Variants in GRIK1 observed in about 807,000 individuals in gnomAD.
GRIK1 encodes glutamate ionotropic receptor kainate type subunit 1, also known as glutamate receptor ionotropic, kainate 1.
A neutral mutation model predicts 105.7 loss-of-function variants in GRIK1; 69 were observed. That is an observed-to-expected ratio of 0.65 (90% CI 0.54 to 0.80). The LOEUF is 0.80. Ranked by LOEUF, GRIK1 falls within the 30% of genes least tolerant of loss-of-function variation. GRIK1 has a pLI of 0.00. For missense variants in GRIK1, 1,109 were observed against 1,167.3 expected, an observed-to-expected ratio of 0.95 and a Z score of 0.73; for synonymous variants, 438 against 431.3, an observed-to-expected ratio of 1.02 and a Z score of -0.19.
intron 1 of GRIK1, among the ~76,000 whole-genome samples, chr21:29,770,370 T>G (rs1381326740): frequency 6.6e-6 from 1 of 152,188 alleles, no homozygotes; most frequent in Non-Finnish European, 1.5e-5. Flanking sequence ...TATGTGACAT[T>G]TCTAACATCA....
chr21:29,550,107 C>CAAAAAAAAAAAAAAAAAAAA (rs34939329), intron 16 of GRIK1, among the ~76,000 whole-genome samples: 1 of 53,490 alleles, frequency 1.9e-5, no homozygotes. Context: ...GACTCCATCT[C>CAAAAAAAAAAAAAAAAAAAA]AAAAAAAAAA....
chr21:29,685,983 A>G (rs796921672), intron 3 of GRIK1, among the ~76,000 whole-genome samples: 5 of 152,356 alleles, frequency 3.3e-5, no homozygotes, highest in African/African-American at 1.2e-4. Flanking sequence ...CTCAGGAGGA[A>G]GGAACACTGC....
intron 1 of GRIK1, among the ~76,000 whole-genome samples, chr21:29,808,536 C>T (rs943913336): frequency 1.3e-5 from 2 of 152,066 alleles, no homozygotes; most frequent in Admixed American, 1.3e-4. Context: ...AAAGAAAGGA[C>T]CTGTTAACAG....
chr21:29,695,429 T>A (rs936398513), intron 1 of GRIK1, among the ~76,000 whole-genome samples: 2 of 150,172 alleles, frequency 1.3e-5, no homozygotes, highest in Non-Finnish European at 3.0e-5. Context: ...TATCTATATC[T>A]ATATCAATAT....
At chr21:29,861,575 GGGATTATA>G (rs2068639406) in intron 1 of GRIK1, 7 of 340,218 alleles carry the variant, frequency 2.1e-5, no homozygotes, top group South Asian at 1.7e-4. Flanking sequence ...CCCAAAGTGT[GGGATTATA>G]GGTGTGAGCC....
At chr21:29,740,487 A>G (rs1226443388) in intron 1 of GRIK1, among the ~76,000 whole-genome samples, 1 of 152,140 alleles carries the variant, frequency 6.6e-6, no homozygotes, top group Non-Finnish European at 1.5e-5. Flanking sequence ...AAGTGCTGGG[A>G]TTTCAGGCGT....
At chr21:29,805,440 TA>T (rs1386748895) in intron 1 of GRIK1, among the ~76,000 whole-genome samples, 1 of 152,158 alleles carries the variant, frequency 6.6e-6, no homozygotes, top group Non-Finnish European at 1.5e-5. Flanking sequence ...CCAGTGTTAT[TA>T]GCCAATAAAT....
Position 29,537,210 on chromosome 21 carries a change from C to T in GRIK1, c.*20G>A, listed in dbSNP as rs750502104. ...CTGTAGGGAATGCATCCTTTTTCTT[C>T]CTACAGGCGTTTCCTTGGATCACGC... On this transcript the variant is annotated 3_prime_UTR_variant, in exon 18 of 18. Transcript: ENST00000327783. 2.6e-6 allele frequency: 4 copies of T among 1,551,022 alleles called. No homozygotes were observed. The highest frequency in any genetic ancestry group is 3.5e-6 in the Non-Finnish European group (4 of 1,153,640).
Position 29,577,048 on chromosome 21 carries a change from G to A in GRIK1, c.2046C>T (p.Pro682=), listed in dbSNP as rs1831200472. ...TTGCCAGATCATCTGCCGAATCTAT[G>A]GGGGATTCCATTCTCTCTACTGTCA... ...AFLTVERMES[P]IDSADDLAKQ... is the part of the protein sequence containing the mutation. Residue 682 remains proline, a synonymous_variant, in exon 14 of 18, where the codon CCC becomes CCT. Coordinates refer to ENST00000327783, the MANE Select transcript of GRIK1 (RefSeq NM_001330994.2). 1.9e-6 allele frequency: 3 copies of A among 1,613,136 alleles called. No homozygotes were observed. The highest frequency in any genetic ancestry group is 1.7e-5 in the Admixed American group (1 of 59,988).
intron 1 of GRIK1, among the ~76,000 whole-genome samples, chr21:29,891,547 A>G (rs1254284710): frequency 6.6e-6 from 1 of 152,200 alleles, no homozygotes; most frequent in African/African-American, 2.4e-5. Flanking sequence ...AACATCATCA[A>G]TAGCTGAAGC....
At chr21:29,938,003 C>T (rs1219032880) in intron 1 of GRIK1, among the ~76,000 whole-genome samples, 1 of 152,098 alleles carries the variant, frequency 6.6e-6, no homozygotes, top group Non-Finnish European at 1.5e-5. Flanking sequence ...CTAGAAAAAA[C>T]ATGTGTGTAG....
chr21:29,822,949 G>A (rs2067345674), intron 1 of GRIK1, among the ~76,000 whole-genome samples: 1 of 151,874 alleles, frequency 6.6e-6, no homozygotes, highest in African/African-American at 2.4e-5. Flanking sequence ...ATCGCAAAAT[G>A]GCAGGATGAG....
intron 7 of GRIK1, among the ~76,000 whole-genome samples, chr21:29,606,275 TTTTTA>T (rs551391537): frequency 6.6e-6 from 1 of 152,112 alleles, no homozygotes; most frequent in Non-Finnish European, 1.5e-5. Context: ...ATTGGCCAGC[TTTTTA>T]TTTTATTTTA....
At chr21:29,924,128 A>G (rs543326635) in intron 1 of GRIK1, among the ~76,000 whole-genome samples, 28 of 152,232 alleles carry the variant, frequency 1.8e-4, no homozygotes, top group African/African-American at 6.0e-4. Context: ...TCACGAGGTC[A>G]GGAGTTCAAG....
At chr21:29,635,400 G>A (rs1318855254) in intron 7 of GRIK1, among the ~76,000 whole-genome samples, 5 of 152,206 alleles carry the variant, frequency 3.3e-5, no homozygotes, top group Admixed American at 3.3e-4. Context: ...GACAGCTGTT[G>A]TCTCTCTGTG....
chr21:29,731,713 AT>A (rs1437935979), intron 1 of GRIK1, among the ~76,000 whole-genome samples: 2 of 152,136 alleles, frequency 1.3e-5, no homozygotes, highest in Non-Finnish European at 2.9e-5. Flanking sequence ...AACCAGATGA[AT>A]TTTTTCCTTA....
chr21:29,588,884 AT>A lies in GRIK1; in HGVS notation c.1523del (p.Asn508MetfsTer14), dbSNP rs1239430944. On this transcript the variant is annotated frameshift_variant, in exon 11 of 18. Transcript: ENST00000327783. LOFTEE classifies it high-confidence loss of function. ...LVPDGKYGAQ[N>X]DKGEWNGMVK... Reference sequence around the variant, plus strand: ...CCATCCCGTTCCACTCCCCTTTGTCATTCTGGGCCCCATATTTGCCATCGGG... The same window carrying A: ...CCATCCCGTTCCACTCCCCTTTGTCATCTGGGCCCCATATTTGCCATCGGG... 2 of 1,609,872 alleles carry A rather than the reference AT, an allele frequency of 1.2e-6. No individual in the cohort carries two copies. Among genetic ancestry groups the A allele is most frequent in the Non-Finnish European group, 1.7e-6 (2 of 1,176,286 alleles).
intron 1 of GRIK1, among the ~76,000 whole-genome samples, chr21:29,929,554 C>A (rs1408250910): frequency 6.6e-6 from 1 of 152,052 alleles, no homozygotes; most frequent in African/African-American, 2.4e-5. Flanking sequence ...GCATTTTTTG[C>A]TTATTTCTTC....
chr21:29,775,448 G>A lies in GRIK1; in HGVS notation c.119-81385C>T, dbSNP rs142704596. Among the ~76,000 whole-genome samples, 260 of 152,260 alleles carry A rather than the reference G, an allele frequency of 1.7e-3. 2 individuals are homozygous for A. The highest frequency in any genetic ancestry group is 3.2e-3 in the Non-Finnish European group (216 of 68,020). ...GCTTCCTCTCTCCAGCTACCAAGGA[G>A]CTCAGTTGCTCAGCTGAGGAGGTAA... On this transcript the variant is annotated intron_variant, in intron 1 of 17. Coordinates refer to ENST00000327783, the MANE Select transcript of GRIK1 (RefSeq NM_001330994.2).
Sources: allele counts gnomAD v4.1 joint callset (sites outside exome capture counted in the v4.1 genomes callset), GRCh38; gene constraint gnomAD v4.1.1; transcripts MANE v1.5; gene names NCBI Gene and HGNC (gene_info 2026-07-23, HGNC 2026-07-21).